Variants in TRIM2 observed in about 807,000 individuals in gnomAD.
TRIM2 encodes tripartite motif-containing protein 2.
Under a neutral mutation model 75.2 loss-of-function variants are expected in TRIM2, and 20 were observed. The ratio of observed to expected loss-of-function variants is 0.27; its 90% confidence interval spans 0.19 to 0.39. TRIM2 has a LOEUF of 0.39. TRIM2 is among the 10% of genes least tolerant of loss of function. TRIM2 has a pLI of 1.00. For synonymous variants in TRIM2, 373 were observed against 388.3 expected (o/e 0.96, Z 0.46); for missense variants, 660 against 990.8 (o/e 0.67, Z 4.48).
In TRIM2 at chr4:153,307,917, G is replaced by T. The variant is rs1446436462; in HGVS notation, c.1511-7568G>T. ...GATTCTGATCAGGACCTTATCTTGA[G>T]TCCCCATGCCCATTATGGAGTCGTA... On this transcript the variant is annotated intron_variant, in intron 6 of 11. Coordinates refer to ENST00000338700, the MANE Select transcript of TRIM2 (RefSeq NM_015271.5). The T allele has an allele frequency of 1.5e-5, 11 of 752,694 alleles. No homozygotes were observed. The East Asian group carries it at 2.5e-4, about 17-fold the overall frequency. The allele number at this position is 752,694 out of a possible 1,614,324, so 46.6% of individuals were successfully genotyped here. A position where few individuals can be genotyped will look rare whatever the true frequency, so the allele number is the denominator to read the frequency against.
chr4:153,293,209 C>T (rs1306894434), intron 4 of TRIM2, 76 bp downstream of exon 4: 6 of 1,417,566 alleles, frequency 4.2e-6, no homozygotes, highest in Non-Finnish European at 9.5e-7. Context: ...TGTCTAGGTA[C>T]AAGAGTAGGT....
intron 1 of TRIM2, among the ~76,000 whole-genome samples, chr4:153,247,375 T>A (rs1043205146): frequency 6.6e-6 from 1 of 152,156 alleles, no homozygotes; most frequent in Admixed American, 6.5e-5. Flanking sequence ...TCCAGCCTGG[T>A]GTGATAAAAG....
At chr4:153,294,248 A>G in intron 4 of TRIM2, 57 bp from the exon 5 acceptor site, 1 of 1,567,144 alleles carries the variant, frequency 6.4e-7, no homozygotes. Flanking sequence ...GTTTAGATAG[A>G]TTTTGGAATA....
At position 153,248,032 on chromosome 4, in the gene TRIM2, G is replaced by C; in HGVS notation, c.31-22303G>C. On this transcript the variant is annotated intron_variant, in intron 1 of 11. Coordinates refer to ENST00000338700, the MANE Select transcript of TRIM2 (RefSeq NM_015271.5). This position sits in a 1 kb window ranked among gnomAD's most constrained non-coding sequence, Gnocchi z 4.0. Reference sequence around the variant, plus strand: ...TTTTTTTGAGATGGAGTCTCGCTCTGTCCCCCAGGCTGGAGTGCGGTGACA... The same window carrying C: ...TTTTTTTGAGATGGAGTCTCGCTCTCTCCCCCAGGCTGGAGTGCGGTGACA... 7.6e-6 allele frequency among the ~76,000 whole-genome samples: 1 copy of C among 131,514 alleles called. No homozygotes were observed. Among genetic ancestry groups the C allele is most frequent in the East Asian group, 2.1e-4 (1 of 4,658 alleles). The allele number at this position is 131,514 out of a possible 152,430, so 86.3% of individuals were successfully genotyped here. A position where few individuals can be genotyped will look rare whatever the true frequency, so the allele number is the denominator to read the frequency against.
chr4:153,229,760 T>C (rs1451111843), intron 1 of TRIM2, among the ~76,000 whole-genome samples: 1 of 152,258 alleles, frequency 6.6e-6, no homozygotes, highest in Non-Finnish European at 1.5e-5. Flanking sequence ...TCATTTGTAA[T>C]GCAGTACAAA....
In TRIM2 at chr4:153,328,685, T is replaced by A. The variant is rs761129493; in HGVS notation, c.2163+15T>A. The A allele has an allele frequency of 1.3e-6, 2 of 1,599,604 alleles. No homozygotes were observed. Among genetic ancestry groups the A allele is most frequent in the Admixed American group, 1.8e-5 (1 of 56,678 alleles). ...GCAGGATCCAGGTAGATCAATGTGC[T>A]AATGTATATGGTTAGAGTGTTTGGT... On this transcript the variant is annotated intron_variant, in intron 11 of 11. Transcript: ENST00000338700.
At chr4:153,270,060 C>G (rs1040637312) in intron 1 of TRIM2, among the ~76,000 whole-genome samples, 1 of 152,140 alleles carries the variant, frequency 6.6e-6, no homozygotes, top group Non-Finnish European at 1.5e-5. Context: ...TCCTGAGTAG[C>G]TGAGGCAACA....
intron 1 of TRIM2, among the ~76,000 whole-genome samples, chr4:153,166,514 T>TCC (rs1730332337): frequency 1.5e-5 from 1 of 65,322 alleles, no homozygotes; most frequent in Non-Finnish European, 4.9e-5. Flanking sequence ...CCTCTTTTCT[T>TCC]TTCCTTCCTT....
intron 1 of TRIM2, among the ~76,000 whole-genome samples, chr4:153,239,274 C>T (rs959447395): frequency 3.3e-5 from 5 of 151,114 alleles, no homozygotes; most frequent in African/African-American, 9.8e-5. Flanking sequence ...ATGGCGTGAA[C>T]GCGGGAGGCA....
At chr4:153,304,977 GC>G (rs1339105776) in intron 6 of TRIM2, among the ~76,000 whole-genome samples, 2 of 152,212 alleles carry the variant, frequency 1.3e-5, no homozygotes, top group African/African-American at 4.8e-5. Context: ...TGATTAAGAA[GC>G]TTTTGCAGTA....
At chr4:153,238,272 C>T (rs143675876) in intron 1 of TRIM2, among the ~76,000 whole-genome samples, 170 of 152,308 alleles carry the variant, frequency 1.1e-3, no homozygotes, top group African/African-American at 4.1e-3. Context: ...TTTGCAAGTT[C>T]TCAGTTGTTT....
chr4:153,335,508 CA>C lies in TRIM2; in HGVS notation c.*546del. 6 of 985,388 alleles carry C rather than the reference CA, an allele frequency of 6.1e-6. No individual in the cohort carries two copies. The highest frequency in any genetic ancestry group is 7.2e-6 in the Non-Finnish European group (6 of 829,920). The allele number at this position is 985,388 out of a possible 1,614,324, so 61.0% of individuals were successfully genotyped here. ...CTTTGGAAAAAGTAAGGCTGTCTTG[CA>C]AAATGATCCCAGCTCTGATTAGCAG... is the stretch of plus-strand genomic sequence containing the variant. On this transcript the variant is annotated 3_prime_UTR_variant, in exon 12 of 12. Transcript: ENST00000338700.
At chr4:153,201,068 A>G (rs942734321), upstream of TRIM2, among the ~76,000 whole-genome samples, 1 of 152,022 alleles carries the variant, frequency 6.6e-6, no homozygotes, top group Non-Finnish European at 1.5e-5. Context: ...GGTTCAAGCA[A>G]TTCTCCTTCC....
chr4:153,178,966 G>T (rs1731761462), intron 1 of TRIM2, among the ~76,000 whole-genome samples: 1 of 152,094 alleles, frequency 6.6e-6, no homozygotes, highest in Non-Finnish European at 1.5e-5. Context: ...TAGGAGGATG[G>T]CTTGAGCTCA....
rs573355339 is a variant in TRIM2 at position 153,244,438 on chromosome 4, T to C, written c.31-25897T>C. Among the ~76,000 whole-genome samples, 75 of 74,172 alleles carry C rather than the reference T, an allele frequency of 1.0e-3. 1 individual carries two copies. Among genetic ancestry groups the C allele is most frequent in the East Asian group, 3.8e-3 (12 of 3,136 alleles). 48.7% of individuals were successfully genotyped at this position (74,172 alleles called of 152,430 possible). A position where few individuals can be genotyped will look rare whatever the true frequency, so the allele number is the denominator to read the frequency against. On this transcript the variant is annotated intron_variant, in intron 1 of 11. Transcript: ENST00000338700. ...TCTTCTTCTTCTTCTTCTTCTTCTTTTAATTAGAGAGGAGGCCTCACTATG... is the reference window on the plus strand; with the variant it reads ...TCTTCTTCTTCTTCTTCTTCTTCTTCTAATTAGAGAGGAGGCCTCACTATG...
chr4:153,202,922 T>C (rs965203976), upstream of TRIM2, among the ~76,000 whole-genome samples: 6 of 151,354 alleles, frequency 4.0e-5, no homozygotes, highest in Non-Finnish European at 8.8e-5. Context: ...CTGGCCAACA[T>C]GATGAAACCC....
At chr4:153,215,989 T>A (rs1738378557) in intron 1 of TRIM2, among the ~76,000 whole-genome samples, 1 of 152,062 alleles carries the variant, frequency 6.6e-6, no homozygotes, top group South Asian at 2.1e-4. Flanking sequence ...GCAAATGAGG[T>A]TTTTAGCTGG....
intron 1 of TRIM2, among the ~76,000 whole-genome samples, chr4:153,235,458 G>C (rs541367060): frequency 1.2e-4 from 18 of 151,608 alleles, no homozygotes; most frequent in African/African-American, 4.4e-4. Context: ...CTAATTTTTT[G>C]TATTTTTCAT....
At position 153,270,317 on chromosome 4, in the gene TRIM2, T is replaced by C; in HGVS notation, c.31-18T>C. 1 of 1,601,222 alleles carries C rather than the reference T, an allele frequency of 6.2e-7. No homozygotes were observed. The highest frequency in any genetic ancestry group is 8.5e-7 in the Non-Finnish European group (1 of 1,173,678). On this transcript the variant is annotated intron_variant, in intron 1 of 11. Coordinates refer to ENST00000338700, the MANE Select transcript of TRIM2 (RefSeq NM_015271.5). ...CAGATCATTATATGTTTTTCTGTTTTGATTTTCTGTCTGACAGCAGCAGCG... is the reference window on the plus strand; with the variant it reads ...CAGATCATTATATGTTTTTCTGTTTCGATTTTCTGTCTGACAGCAGCAGCG...
Sources: allele counts gnomAD v4.1 joint callset (sites outside exome capture counted in the v4.1 genomes callset), GRCh38; gene constraint gnomAD v4.1.1; non-coding constraint Gnocchi (gnomAD v3.1); transcripts MANE v1.5; gene names NCBI Gene and HGNC (gene_info 2026-07-23, HGNC 2026-07-21).